The following SIMC1 variants were observed in gnomAD, a reference collection of about 807,000 sequenced individuals.
SIMC1 encodes SUMO interacting motifs containing 1.
Under a neutral mutation model 82.3 loss-of-function variants are expected in SIMC1, and 55 were observed. The observed-to-expected ratio is 0.67, with a 90% CI of 0.54 to 0.84. SIMC1 has a LOEUF of 0.84. Among genes scored for constraint, SIMC1 ranks in the 40% least tolerant of loss-of-function variants. SIMC1 has a pLI of 0.00. For missense variants in SIMC1, 915 were observed against 1,107.2 expected (o/e 0.83, Z 2.46); for synonymous variants, 353 against 426.3 (o/e 0.83, Z 2.12).
rs568475628 is a variant in SIMC1, at chr5:176,306,068, C to A, written c.1735-7623C>A. Reference sequence around the variant, plus strand: ...AGCCCCCCCGCCCGGCCAGCCGCTCCGTCCGGGAGGTGAGGGGCGCCTCTG... The same window carrying A: ...AGCCCCCCCGCCCGGCCAGCCGCTCAGTCCGGGAGGTGAGGGGCGCCTCTG... On this transcript the variant is annotated intron_variant, in intron 4 of 9. Transcript: ENST00000429602. 2.4e-3 allele frequency among the ~76,000 whole-genome samples: 159 copies of A among 67,142 alleles called. 3 individuals carry two copies. The highest frequency in any genetic ancestry group is 5.9e-3 in the Admixed American group (41 of 7,008). 44.0% of individuals were successfully genotyped at this position (67,142 alleles called of 152,430 possible). A position where few individuals can be genotyped will look rare whatever the true frequency, so the allele number is the denominator to read the frequency against.
chr5:176,315,622 A>G (rs1764868080), intron 5 of SIMC1, among the ~76,000 whole-genome samples: 1 of 152,098 alleles, frequency 6.6e-6, no homozygotes, highest in Non-Finnish European at 1.5e-5. Context: ...ACGCTCTCAT[A>G]TGTTCTGACA....
chr5:176,303,750 A>C (rs1002681260), intron 4 of SIMC1, among the ~76,000 whole-genome samples: 1 of 152,252 alleles, frequency 6.6e-6, no homozygotes, highest in African/African-American at 2.4e-5. Flanking sequence ...TAGAGAGCCC[A>C]GAAATAAACC....
chr5:176,288,438 T>C (rs1233211161), intron 1 of SIMC1, among the ~76,000 whole-genome samples: 1 of 151,492 alleles, frequency 6.6e-6, no homozygotes, highest in African/African-American at 2.4e-5. Flanking sequence ...AATAAATAAA[T>C]AAATAAATAA....
At chr5:176,254,884 T>C (rs1324383783) in intron 1 of SIMC1, among the ~76,000 whole-genome samples, 2 of 152,222 alleles carry the variant, frequency 1.3e-5, no homozygotes, top group Non-Finnish European at 2.9e-5. Context: ...CAAAAAAATG[T>C]TTCCACCTTT....
chr5:176,280,460 G>T (rs1294186649), intron 1 of SIMC1, among the ~76,000 whole-genome samples: 1 of 151,774 alleles, frequency 6.6e-6, no homozygotes, highest in African/African-American at 2.4e-5. Context: ...TGTTATGTGT[G>T]AATTTGAACC....
At chr5:176,308,076 T>C (rs936311942) in intron 4 of SIMC1, 8 of 730,688 alleles carry the variant, frequency 1.1e-5, no homozygotes, top group Non-Finnish European at 2.0e-5. Context: ...GCAGTGCAGG[T>C]GGTGCAGGCG....
In SIMC1 at chr5:176,324,674, G is replaced by A. The variant is rs116389153; in HGVS notation, c.2088G>A (p.Val696=). 1 of 1,609,854 alleles carries A rather than the reference G, an allele frequency of 6.2e-7. No homozygotes were observed. Among genetic ancestry groups the A allele is most frequent in the African/African-American group, 1.3e-5 (1 of 74,932 alleles). ...LQRMLSIAVE[V]DRTPTCSSNK... ...GGATGCTCTCCATAGCCGTAGAGGT[G>A]GACAGGACCCCCACCTGCAGCTCCA... is the stretch of plus-strand genomic sequence containing the variant. Residue 696 remains valine (V), a synonymous_variant, in exon 7 of 10, where the codon GTG becomes GTA. Coordinates refer to ENST00000429602, the MANE Select transcript of SIMC1 (RefSeq NM_001308195.2).
intron 1 of SIMC1, among the ~76,000 whole-genome samples, chr5:176,271,016 T>C (rs1372239166): frequency 6.6e-6 from 1 of 152,110 alleles, no homozygotes; most frequent in Non-Finnish European, 1.5e-5. Context: ...GGAAAGCTTA[T>C]GTCACCCCTT....
chr5:176,315,633 T>C (rs1438156826), intron 5 of SIMC1, among the ~76,000 whole-genome samples: 1 of 152,180 alleles, frequency 6.6e-6, no homozygotes, highest in Non-Finnish European at 1.5e-5. Context: ...TGTTCTGACA[T>C]ATTTGTTGAA....
intron 4 of SIMC1, among the ~76,000 whole-genome samples, chr5:176,306,049 CCCGCCCGGCCAGCCGCT>C (rs1344715225): frequency 2.4e-4 from 19 of 78,884 alleles, no homozygotes; most frequent in African/African-American, 7.0e-4. Context: ...GGTCAGCCCC[CCCGCCCGGCCAGCCGCT>C]CCGTCCGGGA....
intron 6 of SIMC1, 28 bp downstream of exon 6, chr5:176,322,453 G>A: frequency 1.3e-6 from 2 of 1,592,428 alleles, no homozygotes; most frequent in Admixed American, 3.6e-5. Context: ...CTCTTTCCTG[G>A]GGCTCTTGGG....
At chr5:176,322,017 T>C (rs1211584867) in intron 5 of SIMC1, among the ~76,000 whole-genome samples, 1 of 145,216 alleles carries the variant, frequency 6.9e-6, no homozygotes, top group East Asian at 2.2e-4. Context: ...TCAGCCACCA[T>C]ACCTGGCCTT....
At chr5:176,313,515 G>T in intron 4 of SIMC1, 176 bp from the exon 5 acceptor site, 1 of 1,556,240 alleles carries the variant, frequency 6.4e-7, no homozygotes, top group Non-Finnish European at 8.7e-7. Context: ...CACCCTATTT[G>T]TCCTCTCTCA....
chr5:176,293,225 C>T (rs1304770875), intron 2 of SIMC1, among the ~76,000 whole-genome samples: 2 of 152,008 alleles, frequency 1.3e-5, no homozygotes, highest in African/African-American at 2.4e-5. Context: ...ATTGCTTGAG[C>T]CCAGGAGTTT....
At chr5:176,267,733 GTTTTTTTTTTT>G (rs1159766316) in intron 1 of SIMC1, among the ~76,000 whole-genome samples, 1 of 27,236 alleles carries the variant, frequency 3.7e-5, no homozygotes, top group East Asian at 1.5e-3. Flanking sequence ...TTTTCTTTCT[GTTTTTTTTTTT>G]TTTTTTTTTT....
At chr5:176,282,328 G>A (rs910405948) in intron 1 of SIMC1, among the ~76,000 whole-genome samples, 7 of 152,128 alleles carry the variant, frequency 4.6e-5, no homozygotes, top group Non-Finnish European at 5.9e-5. Context: ...TCCAGGTGCC[G>A]TCTGTCACCC....
intron 1 of SIMC1, among the ~76,000 whole-genome samples, chr5:176,276,909 C>T (rs1332452931): frequency 7.3e-5 from 11 of 150,322 alleles, no homozygotes; most frequent in East Asian, 1.9e-4. Flanking sequence ...AGTAAACATA[C>T]GTGTACATGT....
Position 176,309,125 on chromosome 5 carries a change from T to G in SIMC1, c.1735-4566T>G, listed in dbSNP as rs139335310. 1,082 of 637,658 alleles carry G rather than the reference T, an allele frequency of 1.7e-3. 8 individuals carry two copies. Among genetic ancestry groups the G allele is most frequent in the African/African-American group, 0.017 (926 of 55,034 alleles). 39.5% of individuals were successfully genotyped at this position (637,658 alleles called of 1,614,324 possible). On this transcript the variant is annotated intron_variant, in intron 4 of 9. Coordinates refer to ENST00000429602, the MANE Select transcript of SIMC1 (RefSeq NM_001308195.2). ...ACTCACATTACCTGACTTCAAGACT[T>G]ACTATAAAGCTGTAGTAATCAAGAT...
chr5:176,335,896 A>G (rs571463746), intron 7 of SIMC1, among the ~76,000 whole-genome samples: 1 of 152,070 alleles, frequency 6.6e-6, no homozygotes, highest in Non-Finnish European at 1.5e-5. Flanking sequence ...AATAATAATT[A>G]GCCAGGGACA....
Sources: gnomAD v4.1 joint callset for allele counts (sites outside exome capture counted in the v4.1 genomes callset) on GRCh38, gnomAD v4.1.1 for gene constraint, MANE v1.5 for transcripts, NCBI Gene and HGNC (gene_info 2026-07-23, HGNC 2026-07-21) for gene names.